Variants in ATAD2B observed in about 807,000 individuals in gnomAD.
The protein encoded by ATAD2B is ATPase family AAA domain containing 2B.
Under a neutral mutation model 167.6 loss-of-function variants are expected in ATAD2B, and 40 were observed. The observed-to-expected ratio is 0.24, with a 90% CI of 0.19 to 0.31. The LOEUF (loss-of-function observed/expected upper bound fraction) is 0.31, where lower values mean the gene tolerates loss of function less well. Ranked by LOEUF, ATAD2B falls within the 10% of genes least tolerant of loss-of-function variation. The probability of loss-of-function intolerance (pLI) is 1.00; values close to 1 mark genes in which losing one functional copy is unlikely to be tolerated. For missense variants in ATAD2B, 1,242 were observed against 1,757.2 expected (o/e 0.71, Z 5.24); for synonymous variants, 579 against 596.5 (o/e 0.97, Z 0.43).
the ATAD2B span, among the ~76,000 whole-genome samples, chr2:23,724,597 A>G: frequency 2.6e-5 from 4 of 152,282 alleles, no homozygotes; most frequent in South Asian, 6.2e-4. Context: ...TAAAGAAATG[A>G]TTACTGAAAA....
chr2:23,790,767 C>T (rs1681562061), intron 19 of ATAD2B, among the ~76,000 whole-genome samples: 1 of 152,196 alleles, frequency 6.6e-6, no homozygotes. Context: ...CTTTAATGCA[C>T]CACTCAAGCT....
At chr2:23,691,463 G>C in the ATAD2B span, 25 of 596,568 alleles carry the variant, frequency 4.2e-5, no homozygotes, top group East Asian at 1.7e-4. Flanking sequence ...GTAGTGATAA[G>C]CAGGGTTTTC....
At chr2:23,799,940 C>T (rs778740522) in intron 18 of ATAD2B, 4 of 152,082 alleles carry the variant, frequency 2.6e-5, no homozygotes, top group Admixed American at 6.6e-5. Flanking sequence ...TCTGCAAACA[C>T]GTACCCTCCT....
At chr2:23,768,064 T>G (rs1335233437) in intron 22 of ATAD2B, among the ~76,000 whole-genome samples, 1 of 152,226 alleles carries the variant, frequency 6.6e-6, no homozygotes, top group Non-Finnish European at 1.5e-5. Flanking sequence ...CAATTCTCTT[T>G]ATGAACAAAA....
At chr2:23,723,215 G>A in the ATAD2B span, among the ~76,000 whole-genome samples, 1 of 152,042 alleles carries the variant, frequency 6.6e-6, no homozygotes, top group Non-Finnish European at 1.5e-5. Flanking sequence ...ATCACCTGAG[G>A]CCAGGAAGTC....
At chr2:23,743,954 T>C (rs554516828), downstream of ATAD2B, among the ~76,000 whole-genome samples, 3 of 152,166 alleles carry the variant, frequency 2.0e-5, no homozygotes, top group South Asian at 6.2e-4. Flanking sequence ...GGTAAATAAA[T>C]ACAATGAAGA....
At chr2:23,916,546 T>C (rs962579391) in intron 1 of ATAD2B, among the ~76,000 whole-genome samples, 1 of 152,158 alleles carries the variant, frequency 6.6e-6, no homozygotes, top group African/African-American at 2.4e-5. Context: ...AACCAGATCT[T>C]AGTACAGTCA....
chr2:23,678,585 T>C, the ATAD2B span, among the ~76,000 whole-genome samples: 5 of 152,194 alleles, frequency 3.3e-5, no homozygotes, highest in Admixed American at 6.5e-5. Context: ...TAGCCCAAAC[T>C]GCCAAACCAG....
chr2:23,833,040 C>T (rs1689313247), intron 14 of ATAD2B, among the ~76,000 whole-genome samples: 1 of 152,186 alleles, frequency 6.6e-6, no homozygotes. Flanking sequence ...AGCTAAATAA[C>T]CTGGTGCCAA....
chr2:23,789,683 A>G (rs1681361247), intron 19 of ATAD2B, among the ~76,000 whole-genome samples: 2 of 152,170 alleles, frequency 1.3e-5, no homozygotes, highest in Non-Finnish European at 2.9e-5. Context: ...TAAAATTTGA[A>G]TAATTCATTC....
chr2:23,863,142 T>C (rs1050233348), intron 12 of ATAD2B, among the ~76,000 whole-genome samples: 3 of 151,946 alleles, frequency 2.0e-5, no homozygotes, highest in African/African-American at 7.2e-5. Flanking sequence ...CCCACCTCTA[T>C]AAAAAATACA....
intron 23 of ATAD2B, among the ~76,000 whole-genome samples, chr2:23,762,799 A>G (rs1353895424): frequency 6.6e-6 from 1 of 152,200 alleles, no homozygotes; most frequent in Non-Finnish European, 1.5e-5. Context: ...GTCCTGCATT[A>G]TATTCCTAAG....
intron 17 of ATAD2B, among the ~76,000 whole-genome samples, chr2:23,811,014 AAAACAAACAAACAAACAAAC>A (rs139327555): frequency 1.3e-5 from 2 of 150,804 alleles, no homozygotes; most frequent in East Asian, 2.0e-4. Context: ...TCCATCTCAA[AAAACAAACAAACAAACAAAC>A]AAACAAACAA....
chr2:23,830,727 C>T (rs1688915693), intron 14 of ATAD2B, among the ~76,000 whole-genome samples: 1 of 151,894 alleles, frequency 6.6e-6, no homozygotes, highest in African/African-American at 2.4e-5. Context: ...AAAAGAAGGT[C>T]CAAAAGAAAT....
At chr2:23,716,497 A>C in the ATAD2B span, among the ~76,000 whole-genome samples, 1 of 151,956 alleles carries the variant, frequency 6.6e-6, no homozygotes, top group Non-Finnish European at 1.5e-5. Context: ...CTACCCATGC[A>C]ATCTCTGGCA....
the ATAD2B span, among the ~76,000 whole-genome samples, chr2:23,740,007 G>A: frequency 2.0e-5 from 3 of 152,302 alleles, no homozygotes; most frequent in African/African-American, 2.4e-5. Flanking sequence ...CCAGGAAGAA[G>A]TTGAACCTCT....
At chr2:23,912,276 C>A (rs895726632) in intron 1 of ATAD2B, among the ~76,000 whole-genome samples, 1 of 152,026 alleles carries the variant, frequency 6.6e-6, no homozygotes, top group Non-Finnish European at 1.5e-5. Flanking sequence ...GTGGGAGGAT[C>A]GCTTGAGTCT....
intron 25 of ATAD2B, among the ~76,000 whole-genome samples, chr2:23,756,837 G>A (rs970325241): frequency 1.1e-4 from 16 of 152,064 alleles, no homozygotes; most frequent in African/African-American, 3.6e-4. Flanking sequence ...CAGTTACCAC[G>A]AGAGGCAATT....
intron 23 of ATAD2B, among the ~76,000 whole-genome samples, chr2:23,762,560 T>G (rs1488445026): frequency 4.6e-5 from 7 of 152,162 alleles, no homozygotes; most frequent in African/African-American, 1.7e-4. Context: ...GCAGGCCATG[T>G]TTACACTTAA....
Sources: allele counts gnomAD v4.1 joint callset (sites outside exome capture counted in the v4.1 genomes callset), GRCh38; gene constraint gnomAD v4.1.1; transcripts MANE v1.5; gene names NCBI Gene and HGNC (gene_info 2026-07-23, HGNC 2026-07-21).